The following CCDC88C variants were observed in gnomAD, a reference collection of about 807,000 sequenced individuals.
CCDC88C encodes the protein coiled-coil and HOOK domain protein 88C.
Under a neutral mutation model 198.8 loss-of-function variants are expected in CCDC88C, and 131 were observed. The ratio of observed to expected loss-of-function variants is 0.66; its 90% CI spans 0.57 to 0.76. The LOEUF (loss-of-function observed/expected upper bound fraction) is 0.76, where lower values mean the gene tolerates loss of function less well. Ranked by LOEUF, CCDC88C falls within the 30% of genes least tolerant of loss-of-function variation. The pLI, the probability that CCDC88C is intolerant of heterozygous loss-of-function variation, is 0.00. For missense variants in CCDC88C, 2,553 were observed against 2,631.6 expected, an observed-to-expected ratio of 0.97 and a Z score of 0.65; for synonymous variants, 1,166 against 1,114.7, an observed-to-expected ratio of 1.05 and a Z score of -0.92.
chr14:91,409,138 A>G (rs1886668952), intron 2 of CCDC88C, among the ~76,000 whole-genome samples: 1 of 152,154 alleles, frequency 6.6e-6, no homozygotes, highest in Admixed American at 6.6e-5. Context: ...AAAGCTGAAC[A>G]AAGAAAAATA....
chr14:91,416,419 G>T (rs1479507007), intron 2 of CCDC88C, among the ~76,000 whole-genome samples: 1 of 152,072 alleles, frequency 6.6e-6, no homozygotes, highest in Non-Finnish European at 1.5e-5. Context: ...CTCCAAAAGG[G>T]GACTTTTTCA....
In CCDC88C at chr14:91,272,323, T is replaced by C; in HGVS notation, c.*302A>G. On this transcript the variant is annotated 3_prime_UTR_variant, in exon 30 of 30. Transcript: ENST00000389857. ...GGGACATACTGGAGTAGTGTCTGCT[T>C]TGGGGGAAGTCAGTTTGTCATTGCA... 2.5e-6 allele frequency: 1 copy of C among 402,826 alleles called. No individual in the cohort carries two copies. Among genetic ancestry groups the C allele is most frequent in the South Asian group, 2.8e-5 (1 of 35,384 alleles). The allele number at this position is 402,826 out of a possible 1,614,324, so 25.0% of individuals were successfully genotyped here. A position where few individuals can be genotyped will look rare whatever the true frequency, so the allele number is the denominator to read the frequency against.
intron 2 of CCDC88C, among the ~76,000 whole-genome samples, chr14:91,412,424 G>C (rs1038191723): frequency 1.4e-5 from 2 of 139,530 alleles, no homozygotes; most frequent in Non-Finnish European, 3.0e-5. Flanking sequence ...GATGAACATA[G>C]TTTGTGTATT....
intron 23 of CCDC88C, among the ~76,000 whole-genome samples, chr14:91,293,366 CCACCTTCCTGCCCCCTCGCCT>C (rs1567055063): frequency 2.0e-5 from 2 of 100,886 alleles, no homozygotes; most frequent in African/African-American, 9.4e-5. Context: ...CTGCCACGGC[CCACCTTCCTGCCCCCTCGCCT>C]GCCACAGCCC....
At chr14:91,333,571 G>A (rs979794297) in intron 10 of CCDC88C, among the ~76,000 whole-genome samples, 1 of 152,262 alleles carries the variant, frequency 6.6e-6, no homozygotes, top group Non-Finnish European at 1.5e-5. Context: ...GACACGGAAG[G>A]ACACGGCAAA....
intron 3 of CCDC88C, among the ~76,000 whole-genome samples, chr14:91,370,662 T>C (rs942232382): frequency 1.1e-4 from 16 of 152,206 alleles, no homozygotes; most frequent in African/African-American, 2.7e-4. Flanking sequence ...GCCGGGTCTC[T>C]GCATCGGGCT....
intron 3 of CCDC88C, among the ~76,000 whole-genome samples, chr14:91,403,003 A>G (rs1886294999): frequency 6.6e-6 from 1 of 151,956 alleles, no homozygotes; most frequent in African/African-American, 2.4e-5. Context: ...CTGATCGTAA[A>G]CTCTAAATCT....
chr14:91,376,579 A>G (rs533947441), intron 3 of CCDC88C, among the ~76,000 whole-genome samples: 6 of 152,360 alleles, frequency 3.9e-5, no homozygotes, highest in African/African-American at 1.4e-4. Context: ...CATTTCCTGC[A>G]TGAACGCAGA....
chr14:91,293,508 GC>G lies in CCDC88C; in HGVS notation c.4112+664del, dbSNP rs1567055593. ...CACCTTCCCATCCTCACCTGCCACGGCCTACCTTCCTGTCCCCTCACCTGCC... is the reference window on the plus strand; with the variant it reads ...CACCTTCCCATCCTCACCTGCCACGGCTACCTTCCTGTCCCCTCACCTGCC... On this transcript the variant is annotated intron_variant, in intron 23 of 29. Transcript: ENST00000389857. 9.7e-5 allele frequency among the ~76,000 whole-genome samples: 12 copies of G among 123,492 alleles called. No homozygotes were observed. In the East Asian group the frequency reaches 1.3e-3, roughly 13 times the overall value. 81.0% of individuals were successfully genotyped at this position (123,492 alleles called of 152,430 possible). A position where few individuals can be genotyped will look rare whatever the true frequency, so the allele number is the denominator to read the frequency against.
At position 91,281,497 on chromosome 14, in the gene CCDC88C, C is replaced by T; in HGVS notation, c.4659G>A (p.Glu1553=). The T allele has an allele frequency of 1.2e-6, 2 of 1,613,964 alleles. No homozygotes were observed. Among genetic ancestry groups the T allele is most frequent in the East Asian group, 2.2e-5 (1 of 44,880 alleles). ...TGGGGACCTCAAACTCCAGGGATGG[C>T]TCACAGAGGTTGTCATCTGAGTTAT... ...KGYNSDDNLC[E]PSLEFEVPNH... The change falls in exon 27 of 30, where the codon GAG becomes GAA. Residue 1553 remains glutamate (E), a synonymous_variant. Transcript: ENST00000389857.
At chr14:91,414,462 A>C (rs1392063290) in intron 2 of CCDC88C, among the ~76,000 whole-genome samples, 1 of 152,196 alleles carries the variant, frequency 6.6e-6, no homozygotes, top group Non-Finnish European at 1.5e-5. Context: ...AAATGCATAA[A>C]GTTATAATTT....
intron 23 of CCDC88C, among the ~76,000 whole-genome samples, chr14:91,291,504 G>A (rs894729699): frequency 2.6e-5 from 4 of 152,184 alleles, no homozygotes; most frequent in Admixed American, 2.0e-4. Context: ...CAGTGAGGTT[G>A]AAAAAGTCAG....
chr14:91,417,573 G>T, intron 1 of CCDC88C, 58 bp downstream of exon 1: 1 of 1,502,650 alleles, frequency 6.7e-7, no homozygotes, highest in Non-Finnish European at 9.0e-7. Flanking sequence ...GCGTCCCGTC[G>T]CCGGGCTAGA....
intron 2 of CCDC88C, among the ~76,000 whole-genome samples, chr14:91,412,276 A>G: frequency 6.6e-6 from 1 of 152,276 alleles, no homozygotes; most frequent in African/African-American, 2.4e-5. Context: ...TAAAAATATT[A>G]ATACATTAAG....
At chr14:91,415,039 C>T (rs1886974569) in intron 2 of CCDC88C, among the ~76,000 whole-genome samples, 1 of 152,128 alleles carries the variant, frequency 6.6e-6, no homozygotes, top group African/African-American at 2.4e-5. Context: ...TGCTTTTGTT[C>T]CCCCCTCTGC....
chr14:91,363,280 C>CT (rs1006691437), intron 3 of CCDC88C, among the ~76,000 whole-genome samples: 75 of 145,768 alleles, frequency 5.1e-4, no homozygotes, highest in Admixed American at 5.5e-4. Flanking sequence ...TATTATTTTA[C>CT]TTTTTTTTTT....
intron 13 of CCDC88C, among the ~76,000 whole-genome samples, chr14:91,319,685 G>A (rs1331009777): frequency 3.9e-5 from 6 of 152,052 alleles, no homozygotes; most frequent in Admixed American, 6.6e-5. Context: ...TGCCGAATCC[G>A]TCACACACAC....
At chr14:91,353,838 G>C (rs1893922942) in intron 4 of CCDC88C, among the ~76,000 whole-genome samples, 1 of 152,242 alleles carries the variant, frequency 6.6e-6, no homozygotes, top group Non-Finnish European at 1.5e-5. Context: ...AAAGGTTCCA[G>C]GGGCATTCAG....
At chr14:91,365,529 A>G (rs1894494411) in intron 3 of CCDC88C, among the ~76,000 whole-genome samples, 1 of 152,170 alleles carries the variant, frequency 6.6e-6, no homozygotes, top group African/African-American at 2.4e-5. Context: ...GGGACTTAGA[A>G]ATGGTGCATC....
Sources: gnomAD v4.1 joint callset for allele counts (sites outside exome capture counted in the v4.1 genomes callset) on GRCh38, gnomAD v4.1.1 for gene constraint, MANE v1.5 for transcripts, NCBI Gene and HGNC (gene_info 2026-07-23, HGNC 2026-07-21) for gene names.